Variants in TTC7B observed in about 807,000 individuals in gnomAD.
The protein encoded by TTC7B is tetratricopeptide repeat protein 7B.
In TTC7B, 28 loss-of-function variants were observed where a neutral mutation model predicts 106.8. The ratio of observed to expected loss-of-function variants is 0.26; its 90% confidence interval spans 0.19 to 0.36. TTC7B has a LOEUF of 0.36. Ranked by LOEUF, TTC7B falls within the 10% of genes least tolerant of loss-of-function variation. TTC7B has a pLI of 1.00. For missense variants in TTC7B, 862 were observed against 1,076.4 expected (o/e 0.80, Z 2.79); for synonymous variants, 405 against 430.6 (o/e 0.94, Z 0.74).
rs896517915 is a variant in TTC7B at position 90,759,199 on chromosome 14, C to G, written c.446-14277G>C. 4.6e-5 allele frequency among the ~76,000 whole-genome samples: 7 copies of G among 152,160 alleles called. No individual in the cohort carries two copies. Among genetic ancestry groups the G allele is most frequent in the African/African-American group, 1.4e-4 (6 of 41,444 alleles). On this transcript the variant is annotated intron_variant, in intron 3 of 19. Coordinates refer to ENST00000328459, the MANE Select transcript of TTC7B (RefSeq NM_001010854.2). The surrounding 1 kb of genome is among the most constrained non-coding windows in gnomAD (Gnocchi z 4.1). The stretch of plus-strand genomic sequence containing the variant: ...CCGCACATGACTCTCTCCTTCTCCA[C>G]AGAACAATCTGTGTTCTGCTCCCGC...
At chr14:90,705,154 T>G (rs889719076) in intron 5 of TTC7B, among the ~76,000 whole-genome samples, 11 of 152,286 alleles carry the variant, frequency 7.2e-5, no homozygotes, top group Non-Finnish European at 1.6e-4. Flanking sequence ...GGACAGAGAC[T>G]GGGTCCCTCC....
intron 1 of TTC7B, among the ~76,000 whole-genome samples, chr14:90,815,843 C>T (rs2031140900): frequency 1.3e-5 from 2 of 152,090 alleles, no homozygotes; most frequent in Admixed American, 6.5e-5. Flanking sequence ...TCTTGGAAGC[C>T]CCAGGCCGGC....
intron 4 of TTC7B, among the ~76,000 whole-genome samples, chr14:90,741,715 A>G (rs1430950701): frequency 2.6e-5 from 4 of 152,210 alleles, no homozygotes; most frequent in Non-Finnish European, 5.9e-5. Flanking sequence ...ATAACACACA[A>G]CTATCTTGCC....
intron 15 of TTC7B, among the ~76,000 whole-genome samples, chr14:90,623,999 C>T (rs890028803): frequency 1.3e-5 from 2 of 152,152 alleles, no homozygotes; most frequent in Non-Finnish European, 2.9e-5. Context: ...CCAGCCTGAG[C>T]GACAGAGACA....
At chr14:90,589,425 A>G (rs1221731416) in intron 18 of TTC7B, among the ~76,000 whole-genome samples, 2 of 152,192 alleles carry the variant, frequency 1.3e-5, no homozygotes, top group African/African-American at 4.8e-5. Flanking sequence ...TGTGTTTTAA[A>G]TCATCTCTAG....
At chr14:90,693,731 G>T (rs1486200554) in intron 6 of TTC7B, among the ~76,000 whole-genome samples, 11 of 152,200 alleles carry the variant, frequency 7.2e-5, no homozygotes, top group Non-Finnish European at 1.6e-4. Flanking sequence ...AGGGTGTGGA[G>T]AAATTGGAAC....
At chr14:90,726,247 C>T (rs1018033764) in intron 5 of TTC7B, among the ~76,000 whole-genome samples, 1 of 152,238 alleles carries the variant, frequency 6.6e-6, no homozygotes, top group African/African-American at 2.4e-5. Flanking sequence ...CGTTTCTCTG[C>T]TGCTAGCTGG....
In TTC7B at chr14:90,658,317, A is replaced by C. The variant is rs778214516; in HGVS notation, c.1223T>G (p.Met408Arg). 6.2e-7 allele frequency: 1 copy of C among 1,614,044 alleles called. No individual in the cohort carries two copies. Among genetic ancestry groups the C allele is most frequent in the Non-Finnish European group, 8.5e-7 (1 of 1,179,906 alleles). Residue 408 changes from methionine (M) to arginine (R), a missense_variant, in exon 10 of 20, where the codon ATG (methionine) becomes AGG (arginine). Physicochemically the swap from Met to Arg is moderately conservative, Grantham distance 91. Coordinates refer to ENST00000328459, the MANE Select transcript of TTC7B (RefSeq NM_001010854.2). ...HLWYQFALSL[M>R]AAGKSARAVK... is the part of the protein sequence containing the mutation. The stretch of plus-strand genomic sequence containing the variant: ...AAAGGGACTCACTTTTCCAGCAGCC[A>C]TCAGGGACAGAGCAAACTGGTACCA...
intron 4 of TTC7B, among the ~76,000 whole-genome samples, chr14:90,741,337 G>A (rs1344002092): frequency 6.6e-6 from 1 of 152,110 alleles, no homozygotes; most frequent in Non-Finnish European, 1.5e-5. Flanking sequence ...ACTCCTAACT[G>A]TCTCCAAAAA....
intron 4 of TTC7B, among the ~76,000 whole-genome samples, chr14:90,744,246 C>G (rs1341108693): frequency 6.6e-6 from 1 of 152,230 alleles, no homozygotes; most frequent in Non-Finnish European, 1.5e-5. Flanking sequence ...CAGATGCACA[C>G]TGTCATTTCT....
Position 90,657,970 on chromosome 14 carries a change from A to C in TTC7B, c.1236+334T>G, listed in dbSNP as rs1264050647. ...TAACACATTGCTCAAGATAACCAAC[A>C]GGTTTCCCCTCCAGGAATCAGCTTA... is the stretch of plus-strand genomic sequence containing the variant. On this transcript the variant is annotated intron_variant, in intron 10 of 19. Coordinates refer to ENST00000328459, the MANE Select transcript of TTC7B (RefSeq NM_001010854.2). This position sits in a 1 kb window ranked among gnomAD's most constrained non-coding sequence, Gnocchi z 4.2. 3.1e-6 allele frequency: 1 copy of C among 323,944 alleles called. No homozygotes were observed. The highest frequency in any genetic ancestry group is 2.1e-5 in the African/African-American group (1 of 46,868). 20.1% of individuals were successfully genotyped at this position (323,944 alleles called of 1,614,324 possible).
chr14:90,765,443 T>G (rs1890643432), intron 3 of TTC7B, among the ~76,000 whole-genome samples: 1 of 152,198 alleles, frequency 6.6e-6, no homozygotes, highest in South Asian at 2.1e-4. Flanking sequence ...TTGTACACTT[T>G]AAAGGGTTGA....
intron 4 of TTC7B, among the ~76,000 whole-genome samples, chr14:90,733,988 C>T (rs1889424339): frequency 6.6e-6 from 1 of 152,078 alleles, no homozygotes; most frequent in African/African-American, 2.4e-5. Context: ...CATTATTGTA[C>T]AAATAGTATA....
At chr14:90,544,113 C>T (rs1458235888) in intron 19 of TTC7B, among the ~76,000 whole-genome samples, 1 of 152,210 alleles carries the variant, frequency 6.6e-6, no homozygotes, top group African/African-American at 2.4e-5. Flanking sequence ...AGGAGACCCC[C>T]AGCTCTGGGA....
At chr14:90,543,348 C>G (rs1341575655) in intron 19 of TTC7B, among the ~76,000 whole-genome samples, 1 of 152,070 alleles carries the variant, frequency 6.6e-6, no homozygotes, top group African/African-American at 2.4e-5. Context: ...TGATGGATTC[C>G]TCCTACTTTG....
At chr14:90,701,442 C>A (rs1271497968) in intron 5 of TTC7B, among the ~76,000 whole-genome samples, 1 of 151,976 alleles carries the variant, frequency 6.6e-6, no homozygotes, top group Non-Finnish European at 1.5e-5. Context: ...CTTCAGGGGC[C>A]AGGACAGGAA....
chr14:90,541,687 C>T (rs953085307), intron 19 of TTC7B, 98 bp from the exon 20 acceptor site: 13 of 954,070 alleles, frequency 1.4e-5, no homozygotes, highest in African/African-American at 3.3e-5. Flanking sequence ...TCCTCGGAGC[C>T]GGGAATATAT....
intron 1 of TTC7B, among the ~76,000 whole-genome samples, chr14:90,806,809 C>T (rs1595053598): frequency 6.6e-6 from 1 of 152,048 alleles, no homozygotes; most frequent in Non-Finnish European, 1.5e-5. Context: ...CGGGAGGCTG[C>T]GGTGGGAGGA....
At chr14:90,765,964 C>G (rs1185530875) in intron 3 of TTC7B, among the ~76,000 whole-genome samples, 1 of 152,118 alleles carries the variant, frequency 6.6e-6, no homozygotes, top group Non-Finnish European at 1.5e-5. Flanking sequence ...CTCTTTCTCC[C>G]TTTTGAGGGC....
Sources: gnomAD v4.1 joint callset for allele counts (sites outside exome capture counted in the v4.1 genomes callset) on GRCh38, gnomAD v4.1.1 for gene constraint, Gnocchi (gnomAD v3.1) non-coding constraint, MANE v1.5 for transcripts, NCBI Gene and HGNC (gene_info 2026-07-23, HGNC 2026-07-21) for gene names.